DLC1: variants seen among roughly 807,000 people sequenced by gnomAD.
DLC1 encodes the protein DLC1 Rho GTPase activating protein.
In DLC1, 54 loss-of-function variants were observed where a neutral mutation model predicts 140.3. The ratio of observed to expected loss-of-function variants is 0.38; its 90% CI spans 0.31 to 0.48. The LOEUF is 0.48. DLC1 is among the 20% of genes least tolerant of loss of function. The pLI is 0.96. For synonymous variants in DLC1, 986 were observed against 728.1 expected (o/e 1.35, Z -5.70); for missense variants, 2,536 against 1,907.0 (o/e 1.33, Z -6.14).
chr8:13,207,323 G>C (rs1827714537), intron 5 of DLC1, among the ~76,000 whole-genome samples: 1 of 152,132 alleles, frequency 6.6e-6, no homozygotes, highest in Non-Finnish European at 1.5e-5. Flanking sequence ...TTGGGTTACT[G>C]TTAGGCTAGA....
chr8:13,580,021 A>G (rs748238809), intron 1 of DLC1, among the ~76,000 whole-genome samples: 34 of 152,168 alleles, frequency 2.2e-4, no homozygotes, highest in Admixed American at 5.2e-4. Context: ...TCTCAGACAC[A>G]TGCTCTAGGC....
intron 1 of DLC1, among the ~76,000 whole-genome samples, chr8:13,552,505 A>G (rs1803900401): frequency 6.6e-6 from 1 of 151,264 alleles, no homozygotes; most frequent in South Asian, 2.1e-4. Context: ...ATTTAATCTT[A>G]TGATAGAAGT....
chr8:13,266,878 C>T (rs184733408), intron 5 of DLC1, among the ~76,000 whole-genome samples: 13 of 152,208 alleles, frequency 8.5e-5, no homozygotes, highest in African/African-American at 2.9e-4. Context: ...TAACTAATGC[C>T]CGTGTGCTTT....
In DLC1 at chr8:13,167,701, T is replaced by C. The variant is rs1825201071; in HGVS notation, c.1349-52044A>G. On this transcript the variant is annotated intron_variant, in intron 5 of 17. Coordinates refer to ENST00000276297, the MANE Select transcript of DLC1 (RefSeq NM_182643.3). ...AATGAATTTCTAATAACAATTCTCATTGGATCAGTCACTTAATTCTGGGCG... is the reference window on the plus strand; with the variant it reads ...AATGAATTTCTAATAACAATTCTCACTGGATCAGTCACTTAATTCTGGGCG... 4.6e-5 allele frequency among the ~76,000 whole-genome samples: 7 copies of C among 152,358 alleles called. No homozygotes were observed. The South Asian group carries it at 1.4e-3, about 32-fold the overall frequency.
intron 1 of DLC1, among the ~76,000 whole-genome samples, chr8:13,541,497 A>G (rs1019569239): frequency 1.3e-5 from 2 of 152,160 alleles, no homozygotes; most frequent in East Asian, 1.9e-4. Flanking sequence ...GTGTAGTGTT[A>G]TCTAATTGTG....
At chr8:13,465,822 A>G (rs1003655883) in intron 2 of DLC1, among the ~76,000 whole-genome samples, 5 of 152,010 alleles carry the variant, frequency 3.3e-5, no homozygotes, top group Admixed American at 6.6e-5. Context: ...ATGCCCCTCC[A>G]ATGCCTCTCA....
chr8:13,312,132 C>T (rs919121310), intron 4 of DLC1, among the ~76,000 whole-genome samples: 6 of 147,856 alleles, frequency 4.1e-5, no homozygotes, highest in Non-Finnish European at 7.5e-5. Context: ...GAGGCCGAGG[C>T]GGGCGGATCA....
chr8:13,121,379 G>A (rs1821046629), intron 5 of DLC1, among the ~76,000 whole-genome samples: 1 of 152,108 alleles, frequency 6.6e-6, no homozygotes, highest in South Asian at 2.1e-4. Flanking sequence ...CAGGAATGTT[G>A]TGCAGGTGGA....
intron 2 of DLC1, among the ~76,000 whole-genome samples, chr8:13,443,280 C>T (rs186889285): frequency 1.3e-5 from 2 of 149,998 alleles, no homozygotes; most frequent in East Asian, 4.0e-4. Flanking sequence ...GTGCAGCACA[C>T]CAACATGGCA....
intron 1 of DLC1, among the ~76,000 whole-genome samples, chr8:13,601,574 A>G (rs1361720358): frequency 6.6e-6 from 1 of 151,082 alleles, no homozygotes; most frequent in Non-Finnish European, 1.5e-5. Flanking sequence ...GACTTACAAT[A>G]TGAAGCTGGG....
intron 5 of DLC1, among the ~76,000 whole-genome samples, chr8:13,201,106 C>T (rs1227376019): frequency 6.7e-6 from 1 of 148,952 alleles, no homozygotes; most frequent in African/African-American, 2.5e-5. Context: ...AATAATAAAA[C>T]AAATTGGCAA....
Position 13,090,498 on chromosome 8 carries a change from A to T in DLC1, c.3856-28T>A, listed in dbSNP as rs1056390296. Reference sequence around the variant, plus strand: ...GTGCGGAACATGACAGACAGAAAGGAGGTGAGTCCACCTGTACTCAATCTC... The same window carrying T: ...GTGCGGAACATGACAGACAGAAAGGTGGTGAGTCCACCTGTACTCAATCTC... On this transcript the variant is annotated intron_variant, in intron 14 of 17. Coordinates refer to ENST00000276297, the MANE Select transcript of DLC1 (RefSeq NM_182643.3). 16 of 1,610,842 alleles carry T rather than the reference A, an allele frequency of 9.9e-6. No homozygotes were observed. The African/African-American group carries it at 2.0e-4, about 20-fold the overall frequency.
intron 2 of DLC1, among the ~76,000 whole-genome samples, chr8:13,407,265 G>C (rs889259057): frequency 6.6e-6 from 1 of 152,116 alleles, no homozygotes; most frequent in African/African-American, 2.4e-5. Flanking sequence ...AGATGAATAG[G>C]GTTTTTAGAG....
intron 5 of DLC1, among the ~76,000 whole-genome samples, chr8:13,283,188 T>C (rs1011664863): frequency 1.8e-4 from 27 of 152,272 alleles, no homozygotes; most frequent in Admixed American, 7.9e-4. Flanking sequence ...TAATAAATGT[T>C]ATATATGATG....
At chr8:13,483,785 T>C (rs1800845415) in intron 2 of DLC1, among the ~76,000 whole-genome samples, 1 of 152,032 alleles carries the variant, frequency 6.6e-6, no homozygotes, top group Non-Finnish European at 1.5e-5. Context: ...TTTGCATTGT[T>C]TAAAGATAAT....
chr8:13,511,600 G>C (rs1351267111), intron 1 of DLC1, among the ~76,000 whole-genome samples: 1 of 152,086 alleles, frequency 6.6e-6, no homozygotes, highest in Non-Finnish European at 1.5e-5. Flanking sequence ...ACTCTGTTTG[G>C]TCTATGTTGT....
At chr8:13,512,936 C>G (rs974622757) in intron 1 of DLC1, among the ~76,000 whole-genome samples, 2 of 148,084 alleles carry the variant, frequency 1.4e-5, no homozygotes, top group Non-Finnish European at 3.0e-5. Context: ...ATTTTTTTCC[C>G]CACATAATTA....
intron 4 of DLC1, among the ~76,000 whole-genome samples, chr8:13,364,237 C>G (rs1232332743): frequency 1.3e-5 from 2 of 152,108 alleles, no homozygotes; most frequent in Non-Finnish European, 2.9e-5. Flanking sequence ...ATCTGCTTAC[C>G]TAGTTTGCTC....
intron 1 of DLC1, among the ~76,000 whole-genome samples, chr8:13,565,261 C>G (rs773203619): frequency 3.3e-5 from 5 of 152,116 alleles, no homozygotes; most frequent in Non-Finnish European, 5.9e-5. Context: ...ATAAAAAAGA[C>G]AGATTACCCC....
Sources: allele counts gnomAD v4.1 joint callset (sites outside exome capture counted in the v4.1 genomes callset), GRCh38; gene constraint gnomAD v4.1.1; transcripts MANE v1.5; gene names NCBI Gene and HGNC (gene_info 2026-07-23, HGNC 2026-07-21).